The following SYCP2L variants were observed in gnomAD, a reference collection of about 807,000 sequenced individuals.
SYCP2L encodes the protein synaptonemal complex protein 2 like, also known as synaptonemal complex protein 2-like.
A neutral mutation model predicts 125.8 loss-of-function variants in SYCP2L; 98 were observed. The observed-to-expected ratio is 0.78, with a 90% CI of 0.66 to 0.92. SYCP2L has a LOEUF of 0.92. Ranked by LOEUF, SYCP2L falls within the 40% of genes least tolerant of loss-of-function variation. The pLI, the probability that SYCP2L is intolerant of heterozygous loss-of-function variation, is 0.00. For synonymous variants in SYCP2L, 317 were observed against 325.4 expected (o/e 0.97, Z 0.28); for missense variants, 842 against 936.4 (o/e 0.90, Z 1.32).
In SYCP2L at chr6:10,935,043, G is replaced by C; in HGVS notation, c.1684-15G>C. On this transcript the variant is annotated splice_polypyrimidine_tract_variant and intron_variant, in intron 20 of 29. Transcript: ENST00000283141. ...ATTATGAATGTTAACACTTAAAAAA[G>C]ATACTATATTTTAGGCTAAGCTTCT... 1 of 1,569,756 alleles carries C rather than the reference G, an allele frequency of 6.4e-7. No homozygotes were observed. Among genetic ancestry groups the C allele is most frequent in the Non-Finnish European group, 8.6e-7 (1 of 1,162,852 alleles).
At chr6:10,956,825 C>G (rs969165955) in intron 25 of SYCP2L, among the ~76,000 whole-genome samples, 3 of 151,708 alleles carry the variant, frequency 2.0e-5, no homozygotes, top group Non-Finnish European at 4.4e-5. Flanking sequence ...ATACATAACA[C>G]TTTTGTTTTT....
intron 11 of SYCP2L, among the ~76,000 whole-genome samples, chr6:10,910,618 T>C (rs1285304750): frequency 6.6e-6 from 1 of 152,158 alleles, no homozygotes; most frequent in African/African-American, 2.4e-5. Context: ...GATATAGTAC[T>C]AGTAAACCTG....
intron 14 of SYCP2L, among the ~76,000 whole-genome samples, chr6:10,923,088 A>G (rs1561688620): frequency 6.6e-6 from 1 of 152,030 alleles, no homozygotes; most frequent in Non-Finnish European, 1.5e-5. Context: ...TGCTTTCAGT[A>G]CTCTGATGAG....
At chr6:10,909,774 G>A (rs1428547560) in intron 10 of SYCP2L, among the ~76,000 whole-genome samples, 1 of 152,218 alleles carries the variant, frequency 6.6e-6, no homozygotes. Context: ...CTGTGCAGGT[G>A]TTAGGGAGGT....
chr6:10,944,489 A>G (rs1781276075), intron 23 of SYCP2L, among the ~76,000 whole-genome samples: 1 of 152,094 alleles, frequency 6.6e-6, no homozygotes, highest in African/African-American at 2.4e-5. Context: ...TCTGTTTAAG[A>G]TTGCTTTTTT....
intron 20 of SYCP2L, among the ~76,000 whole-genome samples, chr6:10,932,910 C>T (rs538496109): frequency 6.6e-6 from 1 of 152,140 alleles, no homozygotes. Context: ...TCTGCCACCA[C>T]GCCCAGCTAA....
At chr6:10,908,155 TG>T (rs1380671995) in intron 10 of SYCP2L, among the ~76,000 whole-genome samples, 2 of 152,226 alleles carry the variant, frequency 1.3e-5, no homozygotes, top group East Asian at 3.9e-4. Flanking sequence ...CCCAAAGTGC[TG>T]GAATTATAGG....
intron 1 of SYCP2L, among the ~76,000 whole-genome samples, chr6:10,888,084 T>A (rs1420193050): frequency 6.4e-5 from 3 of 47,148 alleles, no homozygotes; most frequent in African/African-American, 1.1e-4. Context: ...TTTTTTTTTT[T>A]TTTTTTTTTT....
intron 4 of SYCP2L, 119 bp from the exon 5 acceptor site, chr6:10,897,892 A>G: frequency 1.4e-6 from 1 of 704,612 alleles, no homozygotes; most frequent in Non-Finnish European, 2.5e-6. Flanking sequence ...ATTGAAATGG[A>G]ATGGAATGGG....
At chr6:10,921,347 G>A (rs1381380114) in intron 14 of SYCP2L, among the ~76,000 whole-genome samples, 1 of 152,148 alleles carries the variant, frequency 6.6e-6, no homozygotes, top group Non-Finnish European at 1.5e-5. Flanking sequence ...ACATAGGTGT[G>A]CATGTATTTT....
At chr6:10,920,647 G>GTACA (rs1780780573) in intron 14 of SYCP2L, among the ~76,000 whole-genome samples, 1 of 151,966 alleles carries the variant, frequency 6.6e-6, no homozygotes, top group African/African-American at 2.4e-5. Flanking sequence ...AAGTTCATGG[G>GTACA]TACATGTGCA....
chr6:10,968,874 T>C (rs1311184838), intron 29 of SYCP2L, among the ~76,000 whole-genome samples: 1 of 152,208 alleles, frequency 6.6e-6, no homozygotes, highest in Non-Finnish European at 1.5e-5. Context: ...CTGAGAGCCC[T>C]GTGTTCTGCT....
chr6:10,892,471 T>A (rs1170437946), intron 2 of SYCP2L, among the ~76,000 whole-genome samples: 1 of 152,194 alleles, frequency 6.6e-6, no homozygotes, highest in African/African-American at 2.4e-5. Flanking sequence ...GGCTAGTTTT[T>A]CATTTTTTGT....
At chr6:10,917,784 G>A (rs568804716) in intron 14 of SYCP2L, among the ~76,000 whole-genome samples, 1 of 152,290 alleles carries the variant, frequency 6.6e-6, no homozygotes, top group South Asian at 2.1e-4. Context: ...GTTTTGATGT[G>A]TTTCCAGGAT....
Position 10,907,542 on chromosome 6 carries a change from A to G in SYCP2L, c.677A>G (p.Asp226Gly), listed in dbSNP as rs1300868414. 2 of 1,609,948 alleles carry G rather than the reference A, an allele frequency of 1.2e-6. No individual in the cohort carries two copies. The highest frequency in any genetic ancestry group is 4.5e-5 in the East Asian group (2 of 44,874). The change falls in exon 10 of 30, where the codon GAT (aspartate) becomes GGT (glycine). Residue 226 changes from aspartate (D) to glycine (G), a missense_variant and splice_region_variant. Coordinates refer to ENST00000283141, the MANE Select transcript of SYCP2L (RefSeq NM_001040274.3). ...TGTCTACTATGTTTTTAATCTCTAG[A>G]TTATGACCAGCAGGTTGCTATTTCT... The part of the protein sequence containing the change: ...DLARTLLTVG[D>G]YDQQVAISEA...
chr6:10,895,633 G>GC, intron 4 of SYCP2L, among the ~76,000 whole-genome samples: 1 of 151,684 alleles, frequency 6.6e-6, no homozygotes, highest in East Asian at 2.0e-4. Context: ...GAACAAAAGG[G>GC]GGGGGTACTA....
At chr6:10,902,823 A>G (rs1780402666) in intron 7 of SYCP2L, 52 bp from the exon 8 acceptor site, 7 of 1,609,926 alleles carry the variant, frequency 4.3e-6, no homozygotes, top group South Asian at 1.1e-5. Context: ...AAGATCGTAC[A>G]TAGGTCTCTG....
Position 10,912,616 on chromosome 6 carries a change from C to T in SYCP2L, c.919-57C>T. ...CTATTTTCAAGGGAATAATGTTTAT[C>T]TGACCCTATAGCATGATTTTTATGT... On this transcript the variant is annotated intron_variant, in intron 12 of 29. Transcript: ENST00000283141. This position sits in a 1 kb window ranked among gnomAD's most constrained non-coding sequence, Gnocchi z 4.1. 8.0e-7 allele frequency: 1 copy of T among 1,246,246 alleles called. No individual in the cohort carries two copies. Among genetic ancestry groups the T allele is most frequent in the Non-Finnish European group, 1.2e-6 (1 of 860,794 alleles). 77.2% of individuals were successfully genotyped at this position (1,246,246 alleles called of 1,614,324 possible).
At chr6:10,903,676 A>G (rs563510408) in intron 8 of SYCP2L, among the ~76,000 whole-genome samples, 1 of 152,192 alleles carries the variant, frequency 6.6e-6, no homozygotes, top group Non-Finnish European at 1.5e-5. Flanking sequence ...GCTTGAACCC[A>G]GGAGGCGGAG....
Sources: allele counts gnomAD v4.1 joint callset (sites outside exome capture counted in the v4.1 genomes callset), GRCh38; gene constraint gnomAD v4.1.1; non-coding constraint Gnocchi (gnomAD v3.1); transcripts MANE v1.5; gene names NCBI Gene and HGNC (gene_info 2026-07-23, HGNC 2026-07-21).